Variants in GPHN observed in about 807,000 individuals in gnomAD.
GPHN encodes the protein gephyrin.
GPHN carries 17 observed loss-of-function variants against 95.5 expected under a neutral mutation model. The observed-to-expected ratio is 0.18, with a 90% CI of 0.12 to 0.27. The LOEUF is 0.27. Ranked by LOEUF, GPHN falls within the 10% of genes least tolerant of loss-of-function variation. The pLI is 1.00. For synonymous variants in GPHN, 320 were observed against 322.5 expected (o/e 0.99, Z 0.08); for missense variants, 660 against 978.1 (o/e 0.67, Z 4.34).
chr14:66,521,455 T>C (rs2058480937), intron 1 of GPHN, among the ~76,000 whole-genome samples: 1 of 152,090 alleles, frequency 6.6e-6, no homozygotes, highest in African/African-American at 2.4e-5. Context: ...GAGAGTATCT[T>C]AGTGTGGGCT....
At chr14:66,765,786 A>G (rs2058943359) in intron 2 of GPHN, among the ~76,000 whole-genome samples, 1 of 152,210 alleles carries the variant, frequency 6.6e-6, no homozygotes, top group African/African-American at 2.4e-5. Flanking sequence ...CTGAATGTAC[A>G]CTATGATGGA....
At chr14:67,359,645 T>C in the GPHN span, 6 of 1,613,902 alleles carry the variant, frequency 3.7e-6, no homozygotes, top group Non-Finnish European at 4.2e-6. Context: ...GCTTATCCCA[T>C]TCCTTTACTT....
Position 66,924,293 on chromosome 14 carries a change from G to A in GPHN, c.828+1G>A, listed in dbSNP as rs533003321. 3.3e-5 allele frequency: 52 copies of A among 1,553,422 alleles called. 1 individual carries two copies. The South Asian group carries it at 5.1e-4, about 15-fold the overall frequency. ...TTCCCATCATTCAACAGATGAACGG[G>A]TAAGACAAGAGGCTTTTGCATTAAT... On this transcript the variant is annotated splice_donor_variant, in intron 8 of 22. Coordinates refer to ENST00000478722, the MANE Select transcript of GPHN (RefSeq NM_020806.5). LOFTEE classifies it high-confidence loss of function.
At chr14:67,667,317 T>A in the GPHN span, among the ~76,000 whole-genome samples, 4 of 152,196 alleles carry the variant, frequency 2.6e-5, no homozygotes, top group Non-Finnish European at 5.9e-5. Flanking sequence ...CATAAATATG[T>A]GGTTACTTTG....
intron 5 of GPHN, among the ~76,000 whole-genome samples, chr14:66,883,971 C>T (rs1343786125): frequency 1.3e-5 from 2 of 152,104 alleles, no homozygotes; most frequent in African/African-American, 4.8e-5. Flanking sequence ...CACTCTCCAG[C>T]TTCCAGGGGA....
At chr14:66,990,036 G>T (rs1311900204) in intron 9 of GPHN, among the ~76,000 whole-genome samples, 1 of 152,108 alleles carries the variant, frequency 6.6e-6, no homozygotes, top group Non-Finnish European at 1.5e-5. Context: ...AGGTCCAATT[G>T]ACTCACAGTT....
intron 1 of GPHN, among the ~76,000 whole-genome samples, chr14:66,578,437 A>G (rs996001830): frequency 9.9e-5 from 15 of 151,826 alleles, no homozygotes; most frequent in Non-Finnish European, 1.9e-4. Flanking sequence ...TAAACTAGGG[A>G]CAGATATAAA....
chr14:67,297,826 A>T, the GPHN span, among the ~76,000 whole-genome samples: 1 of 152,240 alleles, frequency 6.6e-6, no homozygotes, highest in Non-Finnish European at 1.5e-5. Flanking sequence ...GCCAATAGTC[A>T]GATATGAAGC....
intron 10 of GPHN, among the ~76,000 whole-genome samples, chr14:67,030,959 AT>A (rs1463022959): frequency 1.3e-5 from 2 of 152,170 alleles, no homozygotes; most frequent in East Asian, 3.9e-4. Flanking sequence ...AATAATGAAC[AT>A]TAGCAAAAAC....
At chr14:67,584,076 C>G in the GPHN span, 4 of 1,613,968 alleles carry the variant, frequency 2.5e-6, no homozygotes, top group South Asian at 1.1e-5. Context: ...TCTACCTGAC[C>G]GTGGCCAGGA....
intron 10 of GPHN, among the ~76,000 whole-genome samples, chr14:67,039,911 A>G (rs932190889): frequency 1.6e-4 from 24 of 152,220 alleles, no homozygotes; most frequent in African/African-American, 4.8e-5. Context: ...TTGTCAGTCT[A>G]TATAATCTAG....
intron 1 of GPHN, among the ~76,000 whole-genome samples, chr14:66,670,885 T>C (rs778656454): frequency 2.0e-5 from 3 of 152,228 alleles, no homozygotes; most frequent in Non-Finnish European, 2.9e-5. Context: ...CCTAGGTACT[T>C]ATAAGAAAGA....
chr14:66,675,816 A>C (rs1035300529), intron 1 of GPHN, among the ~76,000 whole-genome samples: 3 of 152,152 alleles, frequency 2.0e-5, no homozygotes, highest in Non-Finnish European at 4.4e-5. Flanking sequence ...ATTCTTCTGC[A>C]TATAAATATC....
the GPHN span, among the ~76,000 whole-genome samples, chr14:67,309,875 T>A: frequency 6.6e-6 from 1 of 152,238 alleles, no homozygotes; most frequent in Non-Finnish European, 1.5e-5. Context: ...CAGAAAGTGA[T>A]TTGATAAAAT....
chr14:67,382,896 C>T, the GPHN span, among the ~76,000 whole-genome samples: 2 of 141,056 alleles, frequency 1.4e-5, no homozygotes, highest in African/African-American at 5.7e-5. Context: ...AGTGTGTGTA[C>T]GTGCGTGCGT....
At chr14:67,309,005 TAAAA>T in the GPHN span, among the ~76,000 whole-genome samples, 1,703 of 152,154 alleles carry the variant, frequency 0.011, 20 homozygotes, top group Middle Eastern at 0.017. Flanking sequence ...TTATAGATAT[TAAAA>T]AAAGGAAAAA....
chr14:66,584,195 A>G (rs577111456), intron 1 of GPHN, among the ~76,000 whole-genome samples: 8 of 152,008 alleles, frequency 5.3e-5, no homozygotes, highest in South Asian at 2.1e-4. Flanking sequence ...TTTGTCTGTT[A>G]TTGGTGTATA....
At chr14:66,737,267 C>G (rs939944721) in intron 2 of GPHN, among the ~76,000 whole-genome samples, 4 of 151,812 alleles carry the variant, frequency 2.6e-5, no homozygotes, top group Non-Finnish European at 5.9e-5. Context: ...TCCCCTCTTT[C>G]GGGCTTTTGA....
At chr14:67,573,479 C>A in the GPHN span, 1 of 872,398 alleles carries the variant, frequency 1.1e-6, no homozygotes, top group Non-Finnish European at 1.8e-6. This position sits in a 1 kb window ranked among gnomAD's most constrained non-coding sequence, Gnocchi z 4.8. Context: ...GAATGTGGCC[C>A]AAGGCCAGAG....
Sources: gnomAD v4.1 joint callset for allele counts (sites outside exome capture counted in the v4.1 genomes callset) on GRCh38, gnomAD v4.1.1 for gene constraint, Gnocchi (gnomAD v3.1) non-coding constraint, MANE v1.5 for transcripts, NCBI Gene and HGNC (gene_info 2026-07-23, HGNC 2026-07-21) for gene names.